The following ATXN3 variants were observed in gnomAD, a reference collection of about 807,000 sequenced individuals.
ATXN3 encodes the protein ataxin 3, also known as ataxin-3.
Under a neutral mutation model 58.2 loss-of-function variants are expected in ATXN3, and 28 were observed. The ratio of observed to expected loss-of-function variants is 0.48; its 90% CI spans 0.36 to 0.66. The LOEUF is 0.66. Ranked by LOEUF, ATXN3 falls within the 30% of genes least tolerant of loss-of-function variation. The probability of loss-of-function intolerance (pLI) is 0.00; values close to 1 mark genes in which losing one functional copy is unlikely to be tolerated. For missense variants in ATXN3, 321 were observed against 422.1 expected (o/e 0.76, Z 2.10); for synonymous variants, 113 against 138.5 (o/e 0.82, Z 1.29).
chr14:92,076,495 A>G (rs2060408305), intron 9 of ATXN3, among the ~76,000 whole-genome samples: 1 of 150,846 alleles, frequency 6.6e-6, no homozygotes, highest in Admixed American at 6.6e-5. Context: ...TGGAAGTTTC[A>G]TATTTTTAAT....
chr14:92,085,185 ATT>A (rs1217635413), intron 6 of ATXN3, among the ~76,000 whole-genome samples: 1 of 146,934 alleles, frequency 6.8e-6, no homozygotes, highest in Non-Finnish European at 1.5e-5. Flanking sequence ...GACTTCACAT[ATT>A]TTTTTTTTTT....
In ATXN3 at chr14:92,063,377, T is replaced by C. The variant is rs1289190389; in HGVS notation, c.*943A>G. The C allele has an allele frequency of 2.0e-5, 3 of 152,178 alleles. No homozygotes were observed. The highest frequency in any genetic ancestry group is 1.9e-4 in the East Asian group (1 of 5,200). 9.4% of individuals were successfully genotyped at this position (152,178 alleles called of 1,614,324 possible). On this transcript the variant is annotated 3_prime_UTR_variant, in exon 11 of 11. Coordinates refer to ENST00000644486, the MANE Select transcript of ATXN3 (RefSeq NM_004993.6). Reference sequence around the variant, plus strand: ...TATTAAAATTGAAGGCCAAATTTCATGTATCATACATTCATGGTGGGTACG... The same window carrying C: ...TATTAAAATTGAAGGCCAAATTTCACGTATCATACATTCATGGTGGGTACG...
chr14:92,066,873 G>A lies in ATXN3; in HGVS notation c.992-2459C>T, dbSNP rs141863730. 1.9e-3 allele frequency among the ~76,000 whole-genome samples: 287 copies of A among 151,678 alleles called. 2 individuals carry two copies. The East Asian group carries it at 0.04, about 21-fold the overall frequency. ...CAACCGTCGCCTCCCAGGTTCAAGC[G>A]ATTCCCCTGCCTCAGCCTCCCAAGT... On this transcript the variant is annotated intron_variant, in intron 10 of 10. Coordinates refer to ENST00000644486, the MANE Select transcript of ATXN3 (RefSeq NM_004993.6).
At chr14:92,066,601 G>GTTTTTTTTTTTTTT (rs66941473) in intron 10 of ATXN3, among the ~76,000 whole-genome samples, 8 of 107,018 alleles carry the variant, frequency 7.5e-5, no homozygotes, top group Non-Finnish European at 1.1e-4. Flanking sequence ...TTTTTTTCTT[G>GTTTTTTTTTTTTTT]TTTTTTTTTT....
upstream of ATXN3, among the ~76,000 whole-genome samples, chr14:92,052,134 A>C (rs2140163756): frequency 6.6e-6 from 1 of 152,246 alleles, no homozygotes; most frequent in East Asian, 1.9e-4. Context: ...TTTAACACTC[A>C]GTATTCAGCC....
chr14:92,100,872 T>C (rs976965321), intron 1 of ATXN3, among the ~76,000 whole-genome samples: 1 of 152,212 alleles, frequency 6.6e-6, no homozygotes, highest in Non-Finnish European at 1.5e-5. Flanking sequence ...CTGTATTGTA[T>C]CTAATTTTTA....
chr14:92,071,485 A>G, intron 9 of ATXN3: 3 of 343,264 alleles, frequency 8.7e-6, no homozygotes, highest in South Asian at 6.9e-5. Flanking sequence ...AATCCCAGCT[A>G]CTTTGGGAGG....
At chr14:92,057,793 A>G (rs1411996083), downstream of ATXN3, among the ~76,000 whole-genome samples, 1 of 152,184 alleles carries the variant, frequency 6.6e-6, no homozygotes, top group Non-Finnish European at 1.5e-5. Flanking sequence ...GCAGCACTTA[A>G]AAATTTGATG....
At chr14:92,082,244 A>T in intron 8 of ATXN3, 56 bp downstream of exon 8, 1 of 1,535,244 alleles carries the variant, frequency 6.5e-7, no homozygotes, top group Non-Finnish European at 8.8e-7. Context: ...GAAATCTAAG[A>T]ATAATTGGAA....
At chr14:92,094,637 ATCTG>A (rs2064743419) in intron 3 of ATXN3, among the ~76,000 whole-genome samples, 1 of 152,218 alleles carries the variant, frequency 6.6e-6, no homozygotes, top group Non-Finnish European at 1.5e-5. Flanking sequence ...GTTTATTTCA[ATCTG>A]TCTGACAAAA....
intron 3 of ATXN3, 84 bp from the exon 4 acceptor site, chr14:92,093,915 C>A: frequency 1.1e-5 from 8 of 752,560 alleles, no homozygotes; most frequent in Admixed American, 4.7e-5. Flanking sequence ...TTGTGTACTT[C>A]ATATATAAAT....
At chr14:92,101,790 G>A (rs1371139814) in intron 1 of ATXN3, among the ~76,000 whole-genome samples, 1 of 152,146 alleles carries the variant, frequency 6.6e-6, no homozygotes, top group Admixed American at 6.5e-5. Flanking sequence ...CCCAGGAGGC[G>A]GAGGTTGCAG....
chr14:92,101,354 A>C (rs765735477), intron 1 of ATXN3, among the ~76,000 whole-genome samples: 2 of 152,176 alleles, frequency 1.3e-5, no homozygotes, highest in Non-Finnish European at 2.9e-5. Flanking sequence ...AAATAAATAA[A>C]AATAAAAACA....
intron 2 of ATXN3, among the ~76,000 whole-genome samples, chr14:92,047,604 G>A (rs111581429): frequency 0.23 from 35,181 of 151,998 alleles, 4,155 homozygotes; most frequent in East Asian, 0.34. Context: ...CTTTGGGTTG[G>A]GAAGAAGGGT....
chr14:92,055,027 G>A (rs781729185), downstream of ATXN3, among the ~76,000 whole-genome samples: 3 of 152,110 alleles, frequency 2.0e-5, no homozygotes, highest in South Asian at 2.1e-4. The surrounding 1 kb of genome is among the most constrained non-coding windows in gnomAD (Gnocchi z 4.5). Context: ...GATTACAGGC[G>A]TACGCCACCA....
At chr14:92,092,671 TTTC>T (rs1187179481) in intron 5 of ATXN3, among the ~76,000 whole-genome samples, 1 of 152,086 alleles carries the variant, frequency 6.6e-6, no homozygotes, top group African/African-American at 2.4e-5. Flanking sequence ...ATATAGAATT[TTTC>T]TTATGATATA....
chr14:92,082,308 C>T lies in ATXN3; in HGVS notation c.767G>A (p.Ser256Asn). 1 of 1,613,566 alleles carries T rather than the reference C, an allele frequency of 6.2e-7. No individual in the cohort carries two copies. The highest frequency in any genetic ancestry group is 8.5e-7 in the Non-Finnish European group (1 of 1,179,746). ...CATCAGAATGTCTTTACCTTGCATA[C>T]TTAGCTGAATAGCCCTGCGGAGATC... ...EADLRRAIQL[S>N]MQGSSRNISQ... The change falls in exon 8 of 11, where the codon AGT becomes AAT. Residue 256 changes from serine (S) to asparagine (N), a missense_variant. Physicochemically the swap from Ser to Asn is conservative, Grantham distance 46 (BLOSUM62 1). Transcript: ENST00000644486.
At chr14:92,098,000 C>T (rs528112066) in intron 1 of ATXN3, among the ~76,000 whole-genome samples, 4 of 152,236 alleles carry the variant, frequency 2.6e-5, no homozygotes, top group African/African-American at 9.6e-5. Flanking sequence ...CTATCAAATG[C>T]ATCAAATCTC....
chr14:92,050,859 C>T (rs565330581), upstream of ATXN3, among the ~76,000 whole-genome samples: 9 of 152,328 alleles, frequency 5.9e-5, no homozygotes, highest in South Asian at 1.2e-3. Flanking sequence ...AGTGAGCCAT[C>T]GGCCTTGGCC....
Sources: gnomAD v4.1 joint callset for allele counts (sites outside exome capture counted in the v4.1 genomes callset) on GRCh38, gnomAD v4.1.1 for gene constraint, Gnocchi (gnomAD v3.1) non-coding constraint, MANE v1.5 for transcripts, NCBI Gene and HGNC (gene_info 2026-07-23, HGNC 2026-07-21) for gene names.